MAPK10: variants seen among roughly 807,000 people sequenced by gnomAD.
MAPK10 encodes the protein JNK3 alpha protein kinase.
A neutral mutation model predicts 59.3 loss-of-function variants in MAPK10; 25 were observed. The ratio of observed to expected loss-of-function variants is 0.42; its 90% confidence interval spans 0.31 to 0.59. MAPK10 has a LOEUF of 0.59. MAPK10 is among the 20% of genes least tolerant of loss of function. The pLI is 0.15. For synonymous variants in MAPK10, 190 were observed against 200.5 expected, an observed-to-expected ratio of 0.95 and a Z score of 0.44; for missense variants, 351 against 568.9, an observed-to-expected ratio of 0.62 and a Z score of 3.90.
intron 4 of MAPK10, among the ~76,000 whole-genome samples, chr4:86,113,155 T>C (rs1448371006): frequency 6.6e-6 from 1 of 152,172 alleles, no homozygotes; most frequent in Non-Finnish European, 1.5e-5. Flanking sequence ...TGTTGGGTCT[T>C]GTCTTTTTAT....
At chr4:86,585,253 T>G (rs1362520095) in intron 1 of MAPK10, among the ~76,000 whole-genome samples, 2 of 152,196 alleles carry the variant, frequency 1.3e-5, no homozygotes, top group Admixed American at 1.3e-4. Context: ...GTAATCTCTC[T>G]TCATTTTTTA....
At chr4:86,574,975 T>C (rs1432828460) in intron 1 of MAPK10, among the ~76,000 whole-genome samples, 1 of 152,222 alleles carries the variant, frequency 6.6e-6, no homozygotes, top group Non-Finnish European at 1.5e-5. Flanking sequence ...TGCATGTGTC[T>C]ATGAGGATGT....
intron 2 of MAPK10, among the ~76,000 whole-genome samples, chr4:86,265,179 A>G (rs1438058250): frequency 6.6e-6 from 1 of 151,996 alleles, no homozygotes; most frequent in Non-Finnish European, 1.5e-5. Flanking sequence ...GGGGATCCTG[A>G]GCCTGTTCAG....
chr4:86,410,986 T>C (rs1745099148), intron 1 of MAPK10, among the ~76,000 whole-genome samples: 1 of 152,208 alleles, frequency 6.6e-6, no homozygotes. Context: ...CTTTTAATTG[T>C]GATGTTAGGG....
In MAPK10 at chr4:86,585,651, C is replaced by T. The variant is rs145291697; in HGVS notation, c.-263+8259G>A. ...TAGAATAGCTGAAGAACTACTCATC[C>T]TAATCGTTTCAGCTCTCTAAGACAA... is the stretch of plus-strand genomic sequence containing the variant. On this transcript the variant is annotated intron_variant, in intron 1 of 4. Coordinates refer to the MAPK10 transcript ENST00000502302. Among the ~76,000 whole-genome samples, 42 of 152,276 alleles carry T rather than the reference C, an allele frequency of 2.8e-4. 1 individual carries two copies. In the East Asian group the frequency reaches 6.4e-3, roughly 23 times the overall value.
chr4:86,026,890 C>T (rs1024199079), intron 13 of MAPK10: 2 of 152,116 alleles, frequency 1.3e-5, no homozygotes, highest in Non-Finnish European at 2.9e-5. Context: ...TAACAATTGG[C>T]TCTGCAGGGG....
At position 86,572,196 on chromosome 4, in the gene MAPK10, C is replaced by T. The variant is rs139110205; in HGVS notation, c.-263+21714G>A. On this transcript the variant is annotated intron_variant, in intron 1 of 4. Coordinates refer to the MAPK10 transcript ENST00000502302. ...ATTTCAAGTCTACCAACACATTCTA[C>T]CAACACTCTCTACCTTTGACTTATG... Among the ~76,000 whole-genome samples, 510 of 152,212 alleles carry T rather than the reference C, an allele frequency of 3.4e-3. 1 individual carries two copies. Among genetic ancestry groups the T allele is most frequent in the African/African-American group, 0.012 (493 of 41,520 alleles).
chr4:86,054,692 T>C (rs60270707), intron 11 of MAPK10, among the ~76,000 whole-genome samples: 8,503 of 152,242 alleles, frequency 0.056, 268 homozygotes, highest in Middle Eastern at 0.11. Flanking sequence ...TCTAAATTTA[T>C]ATATATTCTG....
At chr4:86,366,021 A>C (rs1737826720) in intron 1 of MAPK10, among the ~76,000 whole-genome samples, 1 of 152,222 alleles carries the variant, frequency 6.6e-6, no homozygotes, top group Non-Finnish European at 1.5e-5. Context: ...TCTCCAATCA[A>C]GGAGATCTTC....
At chr4:86,549,979 T>G (rs1424053965) in intron 1 of MAPK10, among the ~76,000 whole-genome samples, 2 of 152,212 alleles carry the variant, frequency 1.3e-5, no homozygotes, top group East Asian at 3.8e-4. Context: ...ATCTTACAAG[T>G]GATCTGTAAG....
intron 11 of MAPK10, among the ~76,000 whole-genome samples, chr4:86,059,248 C>A (rs984964370): frequency 2.6e-5 from 4 of 152,176 alleles, no homozygotes; most frequent in African/African-American, 4.8e-5. Flanking sequence ...ACTCTGCTCA[C>A]AGGGCATGGA....
intron 1 of MAPK10, among the ~76,000 whole-genome samples, chr4:86,461,018 G>A (rs879684446): frequency 6.6e-6 from 1 of 152,116 alleles, no homozygotes; most frequent in African/African-American, 2.4e-5. Flanking sequence ...CTCCATGACC[G>A]AGCTGGTCTC....
intron 2 of MAPK10, among the ~76,000 whole-genome samples, chr4:86,256,117 G>A (rs1298195129): frequency 1.3e-5 from 2 of 152,122 alleles, no homozygotes; most frequent in Non-Finnish European, 2.9e-5. Context: ...CACCAGAATC[G>A]AGATATTTCT....
chr4:86,165,140 G>A (rs1171540909), intron 3 of MAPK10, among the ~76,000 whole-genome samples: 1 of 152,160 alleles, frequency 6.6e-6, no homozygotes, highest in South Asian at 2.1e-4. Flanking sequence ...TATTTTTTTA[G>A]TATGGTCATT....
At chr4:86,251,933 T>G (rs1489273895) in intron 2 of MAPK10, among the ~76,000 whole-genome samples, 1 of 123,590 alleles carries the variant, frequency 8.1e-6, no homozygotes, top group Non-Finnish European at 1.6e-5. Flanking sequence ...CCAGTGATGA[T>G]GAGCATTTTT....
rs769254724 is a variant in MAPK10, at chr4:86,159,406, T to G, written c.128A>C (p.Lys43Thr). 1.2e-6 allele frequency: 2 copies of G among 1,612,642 alleles called. No individual in the cohort carries two copies. ...CACACTGTAGAACTGGTTGTCAACT[T>G]TGCTTTTGCTCATGTTGTAATGTTT... ...IAKHYNMSKS[K>T]VDNQFYSVEV... The change falls in exon 4 of 14, where the codon AAA (lysine) becomes ACA (threonine). Residue 43 changes from lysine to threonine, a missense_variant. Lys to Thr is a moderately conservative substitution (Grantham distance 78, BLOSUM62 -1). This residue lies in a region of MAPK10 where 61 missense variants were observed against 58.4 expected (regional missense o/e 1.05). Transcript: ENST00000641462.
chr4:86,567,223 A>ATT (rs139082508), intron 1 of MAPK10, among the ~76,000 whole-genome samples: 1 of 147,386 alleles, frequency 6.8e-6, no homozygotes, highest in Non-Finnish European at 1.5e-5. Flanking sequence ...TTAGTTCTAA[A>ATT]TTTTTTTTTT....
intron 2 of MAPK10, among the ~76,000 whole-genome samples, chr4:86,351,774 T>C (rs1000905156): frequency 2.0e-5 from 3 of 152,140 alleles, no homozygotes; most frequent in African/African-American, 7.2e-5. Context: ...TCCTTACCTC[T>C]AAATTACAGG....
intron 1 of MAPK10, among the ~76,000 whole-genome samples, chr4:86,427,091 C>T (rs1008328881): frequency 1.5e-4 from 23 of 151,700 alleles, no homozygotes; most frequent in African/African-American, 5.1e-4. Context: ...CCCGTCTCTA[C>T]TAAAAATACA....
Sources: allele counts gnomAD v4.1 joint callset (sites outside exome capture counted in the v4.1 genomes callset), GRCh38; gene constraint gnomAD v4.1.1; regional missense constraint gnomAD v4.1.1; transcripts MANE v1.5; gene names NCBI Gene and HGNC (gene_info 2026-07-23, HGNC 2026-07-21).